The following TXLNB variants were observed in gnomAD, a reference collection of about 807,000 sequenced individuals.
The protein encoded by TXLNB is beta-taxilin.
Under a neutral mutation model 57.4 loss-of-function variants are expected in TXLNB, and 37 were observed. The ratio of observed to expected loss-of-function variants is 0.64; its 90% CI spans 0.50 to 0.85. The LOEUF is 0.85. Among genes scored for constraint, TXLNB ranks in the 40% least tolerant of loss-of-function variants. The probability of loss-of-function intolerance (pLI) is 0.00; values close to 1 mark genes in which losing one functional copy is unlikely to be tolerated. For missense variants in TXLNB, 848 were observed against 825.6 expected (o/e 1.03, Z -0.33); for synonymous variants, 302 against 309.6 (o/e 0.98, Z 0.26).
chr6:139,231,930 T>A, the TXLNB span, among the ~76,000 whole-genome samples: 293 of 152,302 alleles, frequency 1.9e-3, no homozygotes, highest in African/African-American at 6.6e-3. Flanking sequence ...AGAAGACAAA[T>A]GAACGTGAAT....
chr6:139,294,549 C>T (rs1325601391), upstream of TXLNB, among the ~76,000 whole-genome samples: 2 of 152,038 alleles, frequency 1.3e-5, no homozygotes, highest in East Asian at 3.8e-4. Flanking sequence ...TTAGTGTTCT[C>T]ATAAAAAAGG....
At chr6:139,204,202 T>G in the TXLNB span, among the ~76,000 whole-genome samples, 1 of 151,974 alleles carries the variant, frequency 6.6e-6, no homozygotes, top group Admixed American at 6.6e-5. Flanking sequence ...AGGTGCCCAC[T>G]AGGGCTACCA....
chr6:139,289,374 C>G (rs1235711633), intron 1 of TXLNB, among the ~76,000 whole-genome samples: 1 of 152,186 alleles, frequency 6.6e-6, no homozygotes, highest in Non-Finnish European at 1.5e-5. Flanking sequence ...CGTGCACGCA[C>G]TTAGAGTTGT....
the TXLNB span, among the ~76,000 whole-genome samples, chr6:139,203,947 A>C: frequency 6.6e-6 from 1 of 152,132 alleles, no homozygotes; most frequent in Non-Finnish European, 1.5e-5. Flanking sequence ...ATTCCTATTT[A>C]AAGCCTTGGT....
chr6:139,192,988 CAA>C, the TXLNB span, among the ~76,000 whole-genome samples: 15 of 144,668 alleles, frequency 1.0e-4, no homozygotes, highest in South Asian at 2.1e-4. Context: ...AAAAAAAAAA[CAA>C]CAAAAAAACC....
the TXLNB span, among the ~76,000 whole-genome samples, chr6:139,206,622 T>A: frequency 2.0e-5 from 3 of 150,366 alleles, no homozygotes; most frequent in Middle Eastern, 3.2e-3. Flanking sequence ...TGTAGTTAGC[T>A]GAGATCGCGC....
chr6:139,214,015 T>C, the TXLNB span, among the ~76,000 whole-genome samples: 2 of 151,736 alleles, frequency 1.3e-5, no homozygotes, highest in Admixed American at 6.6e-5. Context: ...AAGTCCAGGA[T>C]CAGATGGATT....
the TXLNB span, among the ~76,000 whole-genome samples, chr6:139,203,995 C>T: frequency 6.6e-6 from 1 of 152,116 alleles, no homozygotes; most frequent in African/African-American, 2.4e-5. Flanking sequence ...TCAAGTGCAT[C>T]TCTCTATTCT....
chr6:139,218,886 C>T, the TXLNB span, among the ~76,000 whole-genome samples: 1 of 152,196 alleles, frequency 6.6e-6, no homozygotes, highest in African/African-American at 2.4e-5. Flanking sequence ...AAATAGAAAG[C>T]TGGTTCCCCC....
chr6:139,161,768 T>TA, the TXLNB span, among the ~76,000 whole-genome samples: 1 of 152,270 alleles, frequency 6.6e-6, no homozygotes, highest in Non-Finnish European at 1.5e-5. Context: ...CTTGGGTTAG[T>TA]AAAATTTGGT....
chr6:139,198,314 C>T, the TXLNB span, among the ~76,000 whole-genome samples: 1 of 151,908 alleles, frequency 6.6e-6, no homozygotes, highest in African/African-American at 2.4e-5. Flanking sequence ...CTTAAAGAGG[C>T]CCTACTCAAC....
chr6:139,185,296 A>G, the TXLNB span, among the ~76,000 whole-genome samples: 87 of 152,346 alleles, frequency 5.7e-4, 1 homozygote, highest in East Asian at 0.015. Context: ...TTGGTTATCA[A>G]GCTGCTCAGA....
the TXLNB span, among the ~76,000 whole-genome samples, chr6:139,185,491 T>C: frequency 1.3e-5 from 2 of 152,004 alleles, no homozygotes; most frequent in Admixed American, 6.6e-5. Flanking sequence ...CATGAGGTCA[T>C]GAGATCGAGA....
At chr6:139,315,068 T>C in the TXLNB span, among the ~76,000 whole-genome samples, 1 of 152,110 alleles carries the variant, frequency 6.6e-6, no homozygotes, top group African/African-American at 2.4e-5. Flanking sequence ...GCCTGAGATA[T>C]TTTGCAGGCC....
In TXLNB at chr6:139,275,353, C is replaced by T. The variant is rs547725390; in HGVS notation, c.516+1477G>A. The stretch of plus-strand genomic sequence containing the variant: ...ATATTATATGGAAAAATGCCTGTCA[C>T]GTAAGAAAACCAGATATCAACTTAT... On this transcript the variant is annotated intron_variant, in intron 3 of 9. Transcript: ENST00000358430. 1.7e-3 allele frequency among the ~76,000 whole-genome samples: 251 copies of T among 152,102 alleles called. 1 individual carries two copies. Among genetic ancestry groups the T allele is most frequent in the South Asian group, 0.012 (56 of 4,820 alleles).
chr6:139,181,797 A>G, the TXLNB span, among the ~76,000 whole-genome samples: 2 of 152,186 alleles, frequency 1.3e-5, no homozygotes, highest in African/African-American at 2.4e-5. Context: ...GAGGGTGAAA[A>G]TACTTTCTCC....
At chr6:139,170,796 A>G in the TXLNB span, among the ~76,000 whole-genome samples, 3 of 152,146 alleles carry the variant, frequency 2.0e-5, no homozygotes, top group Non-Finnish European at 4.4e-5. Flanking sequence ...TAAAGCAGGC[A>G]GTCACATGGA....
chr6:139,217,524 A>G, the TXLNB span, among the ~76,000 whole-genome samples: 1 of 152,222 alleles, frequency 6.6e-6, no homozygotes, highest in Admixed American at 6.5e-5. Context: ...AGCAGGATTA[A>G]CGTCTGCTTC....
chr6:139,172,748 A>G, the TXLNB span, among the ~76,000 whole-genome samples: 1 of 152,200 alleles, frequency 6.6e-6, no homozygotes, highest in African/African-American at 2.4e-5. Flanking sequence ...TGGACTTGCT[A>G]CTTAAATCTT....
Sources: allele counts gnomAD v4.1 joint callset (sites outside exome capture counted in the v4.1 genomes callset), GRCh38; gene constraint gnomAD v4.1.1; transcripts MANE v1.5; gene names NCBI Gene and HGNC (gene_info 2026-07-23, HGNC 2026-07-21).